The following WDFY4 variants were observed in gnomAD, a reference collection of about 807,000 sequenced individuals.
The protein encoded by WDFY4 is WD repeat- and FYVE domain-containing protein 4.
A neutral mutation model predicts 351.9 loss-of-function variants in WDFY4; 169 were observed. The ratio of observed to expected loss-of-function variants is 0.48; its 90% CI spans 0.42 to 0.55. The LOEUF (loss-of-function observed/expected upper bound fraction) is 0.55. Among genes scored for constraint, WDFY4 ranks in the 20% least tolerant of loss-of-function variants. WDFY4 has a pLI of 0.00. For synonymous variants in WDFY4, 1,622 were observed against 1,574.6 expected, an observed-to-expected ratio of 1.03 and a Z score of -0.71; for missense variants, 3,803 against 3,935.6, an observed-to-expected ratio of 0.97 and a Z score of 0.90.
intron 47 of WDFY4, among the ~76,000 whole-genome samples, chr10:48,905,645 C>T (rs1300901964): frequency 1.3e-5 from 2 of 152,208 alleles, no homozygotes; most frequent in Non-Finnish European, 2.9e-5. Flanking sequence ...CTTAGTGCTT[C>T]AGAGGAATGC....
intron 39 of WDFY4, among the ~76,000 whole-genome samples, chr10:48,845,669 T>C (rs779920376): frequency 9.8e-5 from 15 of 152,328 alleles, no homozygotes; most frequent in African/African-American, 7.2e-5. Context: ...CCAGTTCATC[T>C]TAATTTTATG....
At position 48,790,813 on chromosome 10, in the gene WDFY4, G is replaced by A. The variant is rs767979008; in HGVS notation, c.4153G>A (p.Ala1385Thr). The change falls in exon 23 of 62, where the codon GCG (alanine) becomes ACG (threonine). Residue 1385 changes from alanine to threonine, a missense_variant. Transcript: ENST00000325239. ...CATCCTCCTGGGCCTCATCTCCTTA[G>A]CGACAGATGACCATACCATGTATGC... ...PAILLGLISL[A>T]TDDHTMYAAV... 1.3e-6 allele frequency: 2 copies of A among 1,551,808 alleles called. No individual in the cohort carries two copies. The highest frequency in any genetic ancestry group is 1.2e-5 in the South Asian group (1 of 84,062).
intron 23 of WDFY4, among the ~76,000 whole-genome samples, chr10:48,795,894 G>C: frequency 6.6e-6 from 1 of 152,088 alleles, no homozygotes; most frequent in South Asian, 2.1e-4. Flanking sequence ...GGCTTCCCAG[G>C]GGCTGGTGCA....
intron 61 of WDFY4, among the ~76,000 whole-genome samples, chr10:48,981,775 T>C (rs956388147): frequency 6.6e-5 from 10 of 152,240 alleles, no homozygotes; most frequent in African/African-American, 2.4e-4. Flanking sequence ...TGTTTTGTAA[T>C]TTTATCCTAA....
intron 43 of WDFY4, among the ~76,000 whole-genome samples, chr10:48,888,228 T>C (rs987240257): frequency 6.6e-6 from 1 of 152,028 alleles, no homozygotes; most frequent in African/African-American, 2.4e-5. Context: ...TTATCATTTA[T>C]CCTCAATTCA....
intron 37 of WDFY4, among the ~76,000 whole-genome samples, chr10:48,830,154 G>C (rs753239139): frequency 5.3e-5 from 8 of 152,178 alleles, no homozygotes; most frequent in Non-Finnish European, 1.2e-4. Flanking sequence ...TGTTAGATCT[G>C]CTTATACCTG....
intron 1 of WDFY4, among the ~76,000 whole-genome samples, chr10:48,700,684 A>G (rs1454708921): frequency 6.6e-6 from 1 of 152,116 alleles, no homozygotes; most frequent in Non-Finnish European, 1.5e-5. Flanking sequence ...TGGGGGTGGG[A>G]GTGTGTGGGG....
chr10:48,783,557 A>T (rs752045066), intron 19 of WDFY4, among the ~76,000 whole-genome samples: 3 of 151,682 alleles, frequency 2.0e-5, no homozygotes, highest in African/African-American at 7.3e-5. Context: ...TAGTGATTTT[A>T]TAGTAATTAT....
chr10:48,711,909 G>A (rs1159300854), intron 2 of WDFY4, among the ~76,000 whole-genome samples: 4 of 152,110 alleles, frequency 2.6e-5, no homozygotes, highest in African/African-American at 9.7e-5. Flanking sequence ...TGTATGGGAG[G>A]GGTTATGGGG....
Position 48,743,332 on chromosome 10 carries a change from C to T in WDFY4, c.2243C>T (p.Thr748Ile), listed in dbSNP as rs1191017966. The T allele has an allele frequency of 6.4e-7, 1 of 1,551,494 alleles. No homozygotes were observed. Among genetic ancestry groups the T allele is most frequent in the African/African-American group, 1.4e-5 (1 of 73,020 alleles). ...AGGCCATTTGCAGATTTGCTGGGCA[C>T]TGCCTTTTCCTCCAGCGGCTCACTC... ...KARPFADLLG[T>I]AFSSSGSLPP... The change falls in exon 12 of 62, where the codon ACT becomes ATT. Residue 748 changes from threonine to isoleucine, a missense_variant. Transcript: ENST00000325239.
intron 47 of WDFY4, among the ~76,000 whole-genome samples, chr10:48,928,353 CGTGTGTGTGTGTGTGTGT>C (rs3081490): frequency 0.019 from 2,400 of 125,042 alleles, 40 homozygotes; most frequent in Admixed American, 0.025. Context: ...TTGGTTTTGA[CGTGTGTGTGTGTGTGTGT>C]GTGTGTGTGT....
In WDFY4 at chr10:48,706,949, T is replaced by C. The variant is rs575118046; in HGVS notation, c.-17-2767T>C. On this transcript the variant is annotated intron_variant, in intron 1 of 61. Transcript: ENST00000325239. ...TCTTAAGTGATGTGGAAAATATTCA[T>C]GATGTGCTGTTTTGACTACAAAGAA... is the stretch of plus-strand genomic sequence containing the variant. Among the ~76,000 whole-genome samples the C allele has an allele frequency of 3.3e-5, 5 of 152,326 alleles. 1 individual carries two copies. The South Asian group carries it at 1.0e-3, about 32-fold the overall frequency.
chr10:48,926,869 G>A (rs1017709993), intron 47 of WDFY4, among the ~76,000 whole-genome samples: 1 of 152,180 alleles, frequency 6.6e-6, no homozygotes, highest in Non-Finnish European at 1.5e-5. Flanking sequence ...TGGCAATGGA[G>A]GCAGGAACTC....
intron 47 of WDFY4, among the ~76,000 whole-genome samples, chr10:48,927,842 T>C (rs1236345879): frequency 6.6e-6 from 1 of 152,238 alleles, no homozygotes. Context: ...ATGTACTCTG[T>C]TTTAATTGGA....
chr10:48,702,605 GGAT>G (rs2063510651), intron 1 of WDFY4, among the ~76,000 whole-genome samples: 1 of 152,130 alleles, frequency 6.6e-6, no homozygotes, highest in African/African-American at 2.4e-5. Flanking sequence ...CTGTATGGAT[GGAT>G]GATGGACCTG....
At chr10:48,685,300 A>G (rs1432542421) in intron 1 of WDFY4, among the ~76,000 whole-genome samples, 1 of 151,830 alleles carries the variant, frequency 6.6e-6, no homozygotes, top group Non-Finnish European at 1.5e-5. Context: ...TCGACCTCTG[A>G]CGGTAGGTCA....
At chr10:48,837,115 T>G (rs1388380549) in intron 39 of WDFY4, among the ~76,000 whole-genome samples, 1 of 151,972 alleles carries the variant, frequency 6.6e-6, no homozygotes, top group Non-Finnish European at 1.5e-5. Flanking sequence ...TATTCTAAAA[T>G]GCAATGTGTG....
chr10:48,788,343 A>C (rs1461928729), intron 20 of WDFY4, among the ~76,000 whole-genome samples, 187 bp from the exon 21 acceptor site: 1 of 152,182 alleles, frequency 6.6e-6, no homozygotes, highest in Admixed American at 6.5e-5. Context: ...GTTTTCTATA[A>C]CTATCAGAGA....
chr10:48,972,698 T>C (rs185167941), intron 57 of WDFY4, among the ~76,000 whole-genome samples: 24 of 152,356 alleles, frequency 1.6e-4, no homozygotes, highest in African/African-American at 5.8e-4. Flanking sequence ...GATTGTTTTC[T>C]TGCGATAAAC....
Sources: allele counts gnomAD v4.1 joint callset (sites outside exome capture counted in the v4.1 genomes callset), GRCh38; gene constraint gnomAD v4.1.1; transcripts MANE v1.5; gene names NCBI Gene and HGNC (gene_info 2026-07-23, HGNC 2026-07-21).